Variants in MBOAT1 observed in about 807,000 individuals in gnomAD.
MBOAT1 encodes the protein membrane-bound glycerophospholipid O-acyltransferase 1.
A neutral mutation model predicts 64.4 loss-of-function variants in MBOAT1; 67 were observed. The observed-to-expected ratio is 1.04, with a 90% confidence interval of 0.85 to 1.27. MBOAT1 has a LOEUF of 1.27. Among genes scored for constraint, MBOAT1 ranks in the 50% most tolerant of loss-of-function variants. The pLI is 0.00. For synonymous variants in MBOAT1, 229 were observed against 218.9 expected, an observed-to-expected ratio of 1.05 and a Z score of -0.41; for missense variants, 563 against 604.6, an observed-to-expected ratio of 0.93 and a Z score of 0.72.
At chr6:20,197,940 C>A (rs1763004125) in intron 1 of MBOAT1, among the ~76,000 whole-genome samples, 1 of 151,636 alleles carries the variant, frequency 6.6e-6, no homozygotes, top group Non-Finnish European at 1.5e-5. Context: ...TTTAAAAAAG[C>A]AGCTGGCTGG....
At chr6:20,197,804 C>T (rs1763000864) in intron 1 of MBOAT1, among the ~76,000 whole-genome samples, 1 of 152,200 alleles carries the variant, frequency 6.6e-6, no homozygotes, top group South Asian at 2.1e-4. Flanking sequence ...GTATCCTTAA[C>T]CTGGCAAAAT....
chr6:20,116,572 T>C (rs1487887870), intron 9 of MBOAT1, among the ~76,000 whole-genome samples: 1 of 152,176 alleles, frequency 6.6e-6, no homozygotes, highest in African/African-American at 2.4e-5. Flanking sequence ...GATCTTTTTA[T>C]TGTGAGTTTT....
chr6:20,197,636 C>A (rs1032784386), intron 1 of MBOAT1, among the ~76,000 whole-genome samples: 2 of 152,212 alleles, frequency 1.3e-5, no homozygotes, highest in African/African-American at 4.8e-5. Context: ...GAAGCCCCCT[C>A]CCCTGCTTTG....
At chr6:20,184,829 C>G (rs1482574893) in intron 1 of MBOAT1, among the ~76,000 whole-genome samples, 10 of 151,840 alleles carry the variant, frequency 6.6e-5, no homozygotes. Context: ...TACCTCGAAC[C>G]ACCTCTGTAC....
chr6:20,191,109 C>A (rs9348415), intron 1 of MBOAT1, among the ~76,000 whole-genome samples: 152,366 of 152,368 alleles, frequency 1, 76,182 homozygotes, highest in Non-Finnish European at 1. Context: ...CCCCAATGCA[C>A]CAGTGTATGA....
chr6:20,166,929 ACCCTGTC>A (rs1762031555), intron 1 of MBOAT1, among the ~76,000 whole-genome samples: 1 of 152,076 alleles, frequency 6.6e-6, no homozygotes, highest in South Asian at 2.1e-4. Context: ...ACAGAGTGAG[ACCCTGTC>A]ACGAATGAAT....
chr6:20,146,523 T>C (rs1252232563), intron 3 of MBOAT1, among the ~76,000 whole-genome samples: 2 of 152,114 alleles, frequency 1.3e-5, no homozygotes, highest in African/African-American at 4.8e-5. Flanking sequence ...CCCTTAGGAG[T>C]TGAAGCAGAA....
chr6:20,123,869 A>T (rs1760567984), intron 8 of MBOAT1, among the ~76,000 whole-genome samples: 1 of 152,118 alleles, frequency 6.6e-6, no homozygotes, highest in Non-Finnish European at 1.5e-5. Context: ...ATCCTGGCTA[A>T]CACTGTGAAA....
intron 1 of MBOAT1, among the ~76,000 whole-genome samples, chr6:20,162,735 G>C (rs997480041): frequency 6.6e-6 from 1 of 152,178 alleles, no homozygotes; most frequent in Non-Finnish European, 1.5e-5. Flanking sequence ...GAGAGGCTTA[G>C]GTTGCCTGCA....
At chr6:20,186,555 G>A (rs1293826074) in intron 1 of MBOAT1, among the ~76,000 whole-genome samples, 2 of 152,208 alleles carry the variant, frequency 1.3e-5, no homozygotes, top group Non-Finnish European at 2.9e-5. Flanking sequence ...CTTCCCTGGG[G>A]CTAGTAGGTC....
At chr6:20,155,896 A>G (rs1581430037) in intron 1 of MBOAT1, among the ~76,000 whole-genome samples, 1 of 152,202 alleles carries the variant, frequency 6.6e-6, no homozygotes, top group East Asian at 1.9e-4. Context: ...GTTTTCCCCA[A>G]TCCCTTTTGG....
intron 3 of MBOAT1, among the ~76,000 whole-genome samples, chr6:20,146,666 C>A (rs1301250559): frequency 6.6e-6 from 1 of 152,186 alleles, no homozygotes; most frequent in African/African-American, 2.4e-5. Flanking sequence ...TGCAGCCATG[C>A]CTGCTGCTTC....
At chr6:20,185,000 A>G in intron 1 of MBOAT1, among the ~76,000 whole-genome samples, 1 of 151,922 alleles carries the variant, frequency 6.6e-6, no homozygotes, top group Non-Finnish European at 1.5e-5. Context: ...ATCCATAATC[A>G]GCACTTTGGG....
chr6:20,151,137 C>CAA (rs201328187), intron 3 of MBOAT1, 48 bp downstream of exon 3: 1 of 1,393,110 alleles, frequency 7.2e-7, no homozygotes, highest in African/African-American at 1.4e-5. Context: ...TCAAAGATCA[C>CAA]AAAAAAAAGA....
intron 1 of MBOAT1, among the ~76,000 whole-genome samples, chr6:20,170,646 C>T (rs1023520296): frequency 6.6e-6 from 1 of 152,184 alleles, no homozygotes; most frequent in African/African-American, 2.4e-5. Flanking sequence ...GCTCCTCCCC[C>T]TTAGTCCTTC....
At chr6:20,124,809 C>G (rs1760604956) in intron 7 of MBOAT1, among the ~76,000 whole-genome samples, 1 of 152,204 alleles carries the variant, frequency 6.6e-6, no homozygotes, top group East Asian at 1.9e-4. Flanking sequence ...GCCTCTGACA[C>G]TTGGGGGTTG....
chr6:20,100,817 C>T lies in MBOAT1; in HGVS notation c.*1469G>A, dbSNP rs982862462. ...TCTGATTGGCAGTACACCATTGCAG[C>T]ATATACTTTATTATTATCATCATTA... On this transcript the variant is annotated 3_prime_UTR_variant, in exon 13 of 13. Transcript: ENST00000324607. 5.9e-5 allele frequency among the ~76,000 whole-genome samples: 9 copies of T among 151,404 alleles called. No individual in the cohort carries two copies. The highest frequency in any genetic ancestry group is 1.3e-4 in the Non-Finnish European group (9 of 67,990).
chr6:20,105,736 C>T (rs1015780376), intron 12 of MBOAT1, among the ~76,000 whole-genome samples: 1 of 152,164 alleles, frequency 6.6e-6, no homozygotes, highest in African/African-American at 2.4e-5. Context: ...AGATCACAAT[C>T]GCGCCACTGC....
At chr6:20,124,365 G>A in intron 8 of MBOAT1, 43 bp downstream of exon 8, 2 of 1,578,058 alleles carry the variant, frequency 1.3e-6, no homozygotes, top group Non-Finnish European at 1.7e-6. Flanking sequence ...TCAAGCAGTA[G>A]CATTTTTCCC....
Sources: gnomAD v4.1 joint callset for allele counts (sites outside exome capture counted in the v4.1 genomes callset) on GRCh38, gnomAD v4.1.1 for gene constraint, MANE v1.5 for transcripts, NCBI Gene and HGNC (gene_info 2026-07-23, HGNC 2026-07-21) for gene names.